Variants in UGGT2 observed in about 807,000 individuals in gnomAD.
The protein encoded by UGGT2 is UDP-glucose:glycoprotein glucosyltransferase 2.
In UGGT2, 180 loss-of-function variants were observed where a neutral mutation model predicts 192.1. The ratio of observed to expected loss-of-function variants is 0.94; its 90% CI spans 0.83 to 1.06. The LOEUF (loss-of-function observed/expected upper bound fraction) is 1.06, where lower values mean the gene tolerates loss of function less well. Among genes scored for constraint, UGGT2 ranks in the 50% least tolerant of loss-of-function variants. The pLI is 0.00. For missense variants in UGGT2, 1,849 were observed against 1,795.7 expected, an observed-to-expected ratio of 1.03 and a Z score of -0.54; for synonymous variants, 580 against 591.0, an observed-to-expected ratio of 0.98 and a Z score of 0.27.
At chr13:95,972,976 C>A (rs1594478133) in intron 10 of UGGT2, among the ~76,000 whole-genome samples, 1 of 152,068 alleles carries the variant, frequency 6.6e-6, no homozygotes, top group East Asian at 1.9e-4. Flanking sequence ...TTCAAGACCA[C>A]CCTGACCAAC....
chr13:95,893,402 A>AT (rs2047857659), intron 24 of UGGT2, among the ~76,000 whole-genome samples: 1 of 152,140 alleles, frequency 6.6e-6, no homozygotes. Flanking sequence ...TTTTTATGTG[A>AT]TTTTAGAAGT....
At chr13:95,883,363 A>G (rs2047549266) in intron 27 of UGGT2, among the ~76,000 whole-genome samples, 1 of 152,018 alleles carries the variant, frequency 6.6e-6, no homozygotes, top group Non-Finnish European at 1.5e-5. Flanking sequence ...GGTCAGAGGG[A>G]GGACAATAAG....
intron 12 of UGGT2, among the ~76,000 whole-genome samples, chr13:95,953,634 T>C (rs1305059230): frequency 6.6e-6 from 1 of 152,202 alleles, no homozygotes; most frequent in Non-Finnish European, 1.5e-5. Context: ...TTTTTCTTGC[T>C]CTGTCTTCAC....
chr13:95,915,040 C>T (rs1455904271), intron 20 of UGGT2, among the ~76,000 whole-genome samples: 1 of 152,054 alleles, frequency 6.6e-6, no homozygotes, highest in East Asian at 1.9e-4. Context: ...TATCTGGCAC[C>T]TCATTCTTCT....
chr13:95,877,089 G>T, intron 29 of UGGT2, 190 bp downstream of exon 29: 1 of 438,514 alleles, frequency 2.3e-6, no homozygotes, highest in South Asian at 5.9e-5. Flanking sequence ...TTGCCATGTT[G>T]GCCAGGCAGG....
At chr13:96,008,713 G>A (rs965507388) in intron 5 of UGGT2, among the ~76,000 whole-genome samples, 71 of 152,244 alleles carry the variant, frequency 4.7e-4, no homozygotes, top group African/African-American at 1.6e-3. Flanking sequence ...ACAAAACACT[G>A]CTCAAGGAAA....
intron 10 of UGGT2, among the ~76,000 whole-genome samples, chr13:95,975,446 G>A (rs2050906393): frequency 1.3e-5 from 2 of 152,040 alleles, no homozygotes; most frequent in Admixed American, 1.3e-4. Flanking sequence ...ATGAATTCAT[G>A]GCCTCTAGCT....
intron 1 of UGGT2, among the ~76,000 whole-genome samples, chr13:96,042,632 G>T (rs1239319527): frequency 6.6e-6 from 1 of 151,690 alleles, no homozygotes; most frequent in African/African-American, 2.4e-5. Context: ...ATACAAGAAA[G>T]GAGGGGAGAA....
intron 29 of UGGT2, among the ~76,000 whole-genome samples, chr13:95,869,157 G>A (rs1312983644): frequency 6.6e-6 from 1 of 151,318 alleles, no homozygotes; most frequent in Non-Finnish European, 1.5e-5. Context: ...TTGTCCTTGC[G>A]ATAGTTTGCT....
At chr13:95,851,710 A>G (rs1425134210) in intron 36 of UGGT2, among the ~76,000 whole-genome samples, 1 of 152,206 alleles carries the variant, frequency 6.6e-6, no homozygotes, top group Non-Finnish European at 1.5e-5. Context: ...TGTTAAGTGG[A>G]TTGGAGGGAG....
chr13:96,032,020 T>C, intron 1 of UGGT2, 49 bp from the exon 2 acceptor site: 1 of 1,399,774 alleles, frequency 7.1e-7, no homozygotes, highest in South Asian at 1.2e-5. Context: ...TTTAAAATGG[T>C]TTAGATACTA....
At chr13:96,036,281 T>C (rs1472056857) in intron 1 of UGGT2, among the ~76,000 whole-genome samples, 1 of 152,190 alleles carries the variant, frequency 6.6e-6, no homozygotes, top group Admixed American at 6.5e-5. Flanking sequence ...GAAGCCATTA[T>C]CCTCAGCAAA....
At chr13:95,992,962 T>C (rs957608034) in intron 7 of UGGT2, among the ~76,000 whole-genome samples, 1 of 152,176 alleles carries the variant, frequency 6.6e-6, no homozygotes, top group Admixed American at 6.5e-5. Context: ...AAAAGACATA[T>C]GCACTCATAT....
At chr13:95,900,714 G>A (rs558680658) in intron 22 of UGGT2, 93 bp downstream of exon 22, 674 of 1,352,502 alleles carry the variant, frequency 5.0e-4, no homozygotes, top group South Asian at 9.1e-4. Flanking sequence ...CTCTGTGTGT[G>A]TCAGTCACAT....
At chr13:95,983,481 T>G in intron 10 of UGGT2, 1 of 432,828 alleles carries the variant, frequency 2.3e-6, no homozygotes. Flanking sequence ...ACTGACTCAG[T>G]CTTCACAAGC....
At chr13:95,946,974 T>A in intron 15 of UGGT2, 63 bp downstream of exon 15, 1 of 1,417,160 alleles carries the variant, frequency 7.1e-7, no homozygotes, top group Non-Finnish European at 9.4e-7. Flanking sequence ...TCTAAAGAAA[T>A]CATAATATAG....
At chr13:95,999,910 A>G (rs1220911337) in intron 5 of UGGT2, among the ~76,000 whole-genome samples, 4 of 152,224 alleles carry the variant, frequency 2.6e-5, no homozygotes, top group Non-Finnish European at 4.4e-5. Flanking sequence ...GTGGTCTGAA[A>G]TGTTTATGAT....
At chr13:95,976,101 C>T (rs2050929372) in intron 10 of UGGT2, among the ~76,000 whole-genome samples, 1 of 152,102 alleles carries the variant, frequency 6.6e-6, no homozygotes, top group Non-Finnish European at 1.5e-5. Context: ...CTCATTTTCC[C>T]CAGCCTCCAA....
intron 20 of UGGT2, among the ~76,000 whole-genome samples, chr13:95,924,820 C>T (rs76234856): frequency 6.6e-6 from 1 of 152,276 alleles, no homozygotes; most frequent in African/African-American, 2.4e-5. Flanking sequence ...ACTGAGGACT[C>T]CTGCAGTGGC....
Sources: allele counts gnomAD v4.1 joint callset (sites outside exome capture counted in the v4.1 genomes callset), GRCh38; gene constraint gnomAD v4.1.1; transcripts MANE v1.5; gene names NCBI Gene and HGNC (gene_info 2026-07-23, HGNC 2026-07-21).